Variants in ADGRE2 observed in about 807,000 individuals in gnomAD.
The protein encoded by ADGRE2 is CD97 antigen.
ADGRE2 carries 83 observed loss-of-function variants against 100.8 expected under a neutral mutation model. The observed-to-expected ratio is 0.82, with a 90% CI of 0.69 to 0.99. The LOEUF is 0.99. Ranked by LOEUF, ADGRE2 falls within the 50% of genes least tolerant of loss-of-function variation. The pLI is 0.00. For synonymous variants in ADGRE2, 355 were observed against 413.0 expected (o/e 0.86, Z 1.70); for missense variants, 814 against 1,035.7 (o/e 0.79, Z 2.94).
intron 16 of ADGRE2, 134 bp downstream of exon 16, chr19:14,751,302 G>C: frequency 3.1e-6 from 2 of 650,694 alleles, no homozygotes; most frequent in Non-Finnish European, 5.5e-6. Flanking sequence ...AGGAGCTGCA[G>C]TGTAATCCAA....
At chr19:14,776,195 G>A (rs1053360561) in intron 2 of ADGRE2, among the ~76,000 whole-genome samples, 4 of 152,092 alleles carry the variant, frequency 2.6e-5, no homozygotes, top group African/African-American at 4.8e-5. Context: ...GAGAGACAAA[G>A]AGGCAGAGGT....
downstream of ADGRE2, chr19:14,731,096 C>T: frequency 7.6e-7 from 1 of 1,309,870 alleles, no homozygotes; most frequent in Non-Finnish European, 1.1e-6. Context: ...CTGCCCCCTC[C>T]CCCCAAGGAT....
At chr19:14,777,097 C>CCCTCTGG in intron 1 of ADGRE2, 170 bp from the exon 2 acceptor site, 1 of 985,424 alleles carries the variant, frequency 1.0e-6, no homozygotes, top group Non-Finnish European at 1.2e-6. Flanking sequence ...CTCTGACCAA[C>CCCTCTGG]CCTCTGGCCT....
At chr19:14,778,057 G>A (rs1445256160) in intron 1 of ADGRE2, among the ~76,000 whole-genome samples, 200 bp downstream of exon 1, 1 of 152,146 alleles carries the variant, frequency 6.6e-6, no homozygotes, top group African/African-American at 2.4e-5. Flanking sequence ...CTGGATCCTT[G>A]AGAAATCACC....
intron 11 of ADGRE2, among the ~76,000 whole-genome samples, chr19:14,761,787 C>T (rs1206429284): frequency 6.6e-6 from 1 of 152,118 alleles, no homozygotes; most frequent in African/African-American, 2.4e-5. Flanking sequence ...GTGGGGCAGC[C>T]AGCTTCCCTG....
chr19:14,765,338 C>T lies in ADGRE2; in HGVS notation c.888G>A (p.Leu296=), dbSNP rs1410869192. 90 of 1,613,990 alleles carry T rather than the reference C, an allele frequency of 5.6e-5. No homozygotes were observed. The African/African-American group carries it at 6.9e-4, about 12-fold the overall frequency. The change falls in exon 10 of 21, where the codon TTG becomes TTA. Residue 296 remains leucine (L), a synonymous_variant. Transcript: ENST00000315576. ...QDLGRDYKPG[L]ANNTIQSILQ... The stretch of plus-strand genomic sequence containing the variant: ...TCCTTACCTGGATGGTGTTATTGGC[C>T]AAGCCTGGCTTGTAGTCTCTGCCCA...
At position 14,764,597 on chromosome 19, in the gene ADGRE2, G is replaced by T; in HGVS notation, c.920C>A (p.Ala307Glu). The change falls in exon 11 of 21, where the codon GCG becomes GAG. Residue 307 changes from alanine to glutamate, a missense_variant. Ala to Glu is a moderately radical substitution (Grantham distance 107, BLOSUM62 -1). Coordinates refer to ENST00000315576, the MANE Select transcript of ADGRE2 (RefSeq NM_013447.4). ...AGGGGCCTCCAGCAGCTCATCCAGC[G>T]CCTGTAAGATGCTCTGGAGGGATGT... ...ANNTIQSILQ[A>E]LDELLEAPGD... is the part of the protein sequence containing the mutation. 6.2e-7 allele frequency: 1 copy of T among 1,611,940 alleles called. No homozygotes were observed. Among genetic ancestry groups the T allele is most frequent in the Non-Finnish European group, 8.5e-7 (1 of 1,179,640 alleles).
intron 16 of ADGRE2, among the ~76,000 whole-genome samples, chr19:14,748,095 C>T (rs1312702720): frequency 6.6e-6 from 1 of 152,012 alleles, no homozygotes; most frequent in African/African-American, 2.4e-5. Flanking sequence ...CAGCACAGTA[C>T]TCTATAGGTC....
rs1405389478 is a variant in ADGRE2, at chr19:14,763,862, CTGTCCTCCTCCTCCCGTCCTCTTCCTCT to C, written c.1084+543_1084+570del. 5.0e-4 allele frequency among the ~76,000 whole-genome samples: 24 copies of C among 47,770 alleles called. No individual in the cohort carries two copies. In the South Asian group the frequency reaches 0.019, roughly 38 times the overall value. The allele number at this position is 47,770 out of a possible 152,430, so 31.3% of individuals were successfully genotyped here. A position where few individuals can be genotyped will look rare whatever the true frequency, so the allele number is the denominator to read the frequency against. ...CTCTCCTCCTCCTCTCCTCCCCATCCTGTCCTCCTCCTCCCGTCCTCTTCCTCTTGTCCTCCTCCTCCCATCCTCTTTC... is the reference window on the plus strand; with the variant it reads ...CTCTCCTCCTCCTCTCCTCCCCATCCTGTCCTCCTCCTCCCATCCTCTTTC... On this transcript the variant is annotated intron_variant, in intron 11 of 20. Transcript: ENST00000315576.
chr19:14,741,726 C>A (rs2042939040), intron 20 of ADGRE2: 1 of 223,050 alleles, frequency 4.5e-6, no homozygotes, highest in Admixed American at 5.9e-5. Flanking sequence ...ACTTTGTGAT[C>A]CACCTGCCTC....
At chr19:14,763,398 T>A (rs573942082) in intron 11 of ADGRE2, among the ~76,000 whole-genome samples, 2 of 152,066 alleles carry the variant, frequency 1.3e-5, no homozygotes, top group East Asian at 3.9e-4. Flanking sequence ...AAAGAAATCA[T>A]ACTTAGAGAT....
At chr19:14,776,542 G>T (rs906811278) in intron 2 of ADGRE2, 184 bp downstream of exon 2, 5 of 376,108 alleles carry the variant, frequency 1.3e-5, no homozygotes, top group South Asian at 1.0e-4. Flanking sequence ...CTGCCGGGGT[G>T]TGGGGGTGCC....
At chr19:14,765,902 C>T in intron 7 of ADGRE2, 98 bp from the exon 8 acceptor site, 1 of 1,604,824 alleles carries the variant, frequency 6.2e-7, no homozygotes, top group South Asian at 1.1e-5. Context: ...CATTAGTGCC[C>T]CCCTTGGAGA....
At chr19:14,763,391 G>T (rs555460859) in intron 11 of ADGRE2, among the ~76,000 whole-genome samples, 1 of 151,778 alleles carries the variant, frequency 6.6e-6, no homozygotes, top group South Asian at 2.1e-4. Flanking sequence ...AAACAAGAAA[G>T]AAATCATACT....
chr19:14,775,786 G>C (rs1389516256), intron 2 of ADGRE2, among the ~76,000 whole-genome samples: 1 of 151,304 alleles, frequency 6.6e-6, no homozygotes, highest in Non-Finnish European at 1.5e-5. Flanking sequence ...TTGAACCCAG[G>C]AGGCGGAGGT....
intron 14 of ADGRE2, among the ~76,000 whole-genome samples, chr19:14,754,223 C>T (rs988928365): frequency 4.6e-5 from 7 of 151,936 alleles, no homozygotes; most frequent in African/African-American, 9.7e-5. Flanking sequence ...AGCCTGCAGA[C>T]GGCCTATCGT....
chr19:14,737,595 A>G (rs913660163), intron 20 of ADGRE2, among the ~76,000 whole-genome samples: 1 of 152,162 alleles, frequency 6.6e-6, no homozygotes, highest in Admixed American at 6.6e-5. Context: ...GTTCTTTCTC[A>G]GAAGCCCCAT....
chr19:14,737,205 A>C (rs985942558), intron 20 of ADGRE2, among the ~76,000 whole-genome samples: 2 of 146,350 alleles, frequency 1.4e-5, no homozygotes, highest in Admixed American at 6.9e-5. Context: ...TTTTCTTTTT[A>C]GAGACAGGGC....
intron 7 of ADGRE2, 124 bp from the exon 8 acceptor site, chr19:14,765,928 A>G: frequency 6.6e-7 from 1 of 1,523,768 alleles, no homozygotes; most frequent in African/African-American, 1.4e-5. Context: ...ACGCTGGGTT[A>G]TGGAAGCGTG....
Sources: gnomAD v4.1 joint callset for allele counts (sites outside exome capture counted in the v4.1 genomes callset) on GRCh38, gnomAD v4.1.1 for gene constraint, MANE v1.5 for transcripts, NCBI Gene and HGNC (gene_info 2026-07-23, HGNC 2026-07-21) for gene names.